Variants in CREB5 observed in about 807,000 individuals in gnomAD.
CREB5 encodes the protein cAMP responsive element binding protein 5, also known as cyclic AMP-responsive element-binding protein 5.
CREB5 carries 19 observed loss-of-function variants against 57.1 expected under a neutral mutation model. That is an observed-to-expected ratio of 0.33 (90% CI 0.23 to 0.49). The LOEUF (loss-of-function observed/expected upper bound fraction) is 0.49. Among genes scored for constraint, CREB5 ranks in the 20% least tolerant of loss-of-function variants. The probability of loss-of-function intolerance (pLI) is 0.99; values close to 1 mark genes in which losing one functional copy is unlikely to be tolerated. For synonymous variants in CREB5, 238 were observed against 238.3 expected, an observed-to-expected ratio of 1.00 and a Z score of 0.01; for missense variants, 579 against 671.6, an observed-to-expected ratio of 0.86 and a Z score of 1.52.
chr7:28,461,869 T>A (rs1790363695), intron 1 of CREB5, among the ~76,000 whole-genome samples: 1 of 152,136 alleles, frequency 6.6e-6, no homozygotes, highest in South Asian at 2.1e-4. Context: ...TAGTTTTATA[T>A]ATATATATGA....
At chr7:28,689,605 C>T (rs752859801) in intron 5 of CREB5, among the ~76,000 whole-genome samples, 4 of 152,088 alleles carry the variant, frequency 2.6e-5, no homozygotes, top group Admixed American at 6.5e-5. Context: ...TGATCCTGTT[C>T]TGCGTTCCTG....
In CREB5 at chr7:28,570,991, T is replaced by G. The variant is rs567552048; in HGVS notation, c.464+454T>G. 7.2e-5 allele frequency among the ~76,000 whole-genome samples: 11 copies of G among 152,198 alleles called. No homozygotes were observed. The South Asian group carries it at 1.2e-3, about 17-fold the overall frequency. On this transcript the variant is annotated intron_variant, in intron 5 of 10. Transcript: ENST00000357727. ...GCAATCCCTCCCTGTCCGTGAGAGATAAATTCCAAGCTGCCCAATGGATAC... is the reference window on the plus strand; with the variant it reads ...GCAATCCCTCCCTGTCCGTGAGAGAGAAATTCCAAGCTGCCCAATGGATAC...
chr7:28,712,268 G>T (rs907912131), intron 5 of CREB5, among the ~76,000 whole-genome samples: 1 of 151,888 alleles, frequency 6.6e-6, no homozygotes, highest in Non-Finnish European at 1.5e-5. Context: ...AGCACTTTGG[G>T]AGGTCGAGGC....
intron 1 of CREB5, among the ~76,000 whole-genome samples, chr7:28,469,330 C>T (rs911278749): frequency 3.3e-5 from 5 of 152,194 alleles, no homozygotes; most frequent in Non-Finnish European, 5.9e-5. Flanking sequence ...TTACTGAATC[C>T]TGTTGTGCCC....
intron 4 of CREB5, among the ~76,000 whole-genome samples, chr7:28,528,747 T>C (rs1230318588): frequency 7.4e-6 from 1 of 134,530 alleles, no homozygotes; most frequent in East Asian, 2.2e-4. Flanking sequence ...TTATAATTGT[T>C]ATTACCTTAA....
At chr7:28,706,977 C>T (rs1184376191) in intron 5 of CREB5, among the ~76,000 whole-genome samples, 1 of 152,092 alleles carries the variant, frequency 6.6e-6, no homozygotes, top group Non-Finnish European at 1.5e-5. Flanking sequence ...TGTGGGGCTC[C>T]TATTGTGTGC....
intron 4 of CREB5, among the ~76,000 whole-genome samples, chr7:28,545,686 A>C (rs1021364865): frequency 5.9e-5 from 9 of 152,200 alleles, no homozygotes; most frequent in Non-Finnish European, 1.2e-4. Flanking sequence ...TTAACACTAT[A>C]AACTAACTTC....
At chr7:28,616,297 T>C (rs1797594539) in intron 5 of CREB5, among the ~76,000 whole-genome samples, 1 of 152,170 alleles carries the variant, frequency 6.6e-6, no homozygotes, top group South Asian at 2.1e-4. Context: ...ATTATTTCTT[T>C]AGGGATTATG....
chr7:28,619,457 G>T (rs1797714773), intron 5 of CREB5, among the ~76,000 whole-genome samples: 1 of 152,170 alleles, frequency 6.6e-6, no homozygotes, highest in Non-Finnish European at 1.5e-5. Flanking sequence ...GCTAAAAAGA[G>T]AACATTGTTT....
chr7:28,819,439 C>G lies in CREB5; in HGVS notation c.*160C>G. 1.5e-6 allele frequency: 1 copy of G among 686,850 alleles called. No homozygotes were observed. Among genetic ancestry groups the G allele is most frequent in the South Asian group, 2.6e-5 (1 of 38,682 alleles). 42.5% of individuals were successfully genotyped at this position (686,850 alleles called of 1,614,324 possible). A position where few individuals can be genotyped will look rare whatever the true frequency, so the allele number is the denominator to read the frequency against. ...TATTATGGAAATGTTGTCTTTTATA[C>G]TTAGTTATATAAGAAAAAAGGGAGT... On this transcript the variant is annotated 3_prime_UTR_variant, in exon 11 of 11. Transcript: ENST00000357727.
Position 28,783,273 on chromosome 7 carries a change from G to A in CREB5, c.703-20926G>A, listed in dbSNP as rs116495947. The stretch of plus-strand genomic sequence containing the variant: ...TGGCCTTATCAGTGGCACCATTTTC[G>A]TGTCACATTTGCTGCTTGATTAGCC... On this transcript the variant is annotated intron_variant, in intron 7 of 10. Transcript: ENST00000357727. Among the ~76,000 whole-genome samples, 609 of 152,092 alleles carry A rather than the reference G, an allele frequency of 4.0e-3. 5 individuals are homozygous for A. The highest frequency in any genetic ancestry group is 0.014 in the African/African-American group (564 of 41,478).
At chr7:28,602,288 G>A (rs765245516) in intron 5 of CREB5, among the ~76,000 whole-genome samples, 10 of 152,040 alleles carry the variant, frequency 6.6e-5, no homozygotes, top group South Asian at 6.2e-4. Flanking sequence ...CACCACACCC[G>A]GCTAATTTTT....
intron 5 of CREB5, among the ~76,000 whole-genome samples, chr7:28,699,874 C>T (rs1395802903): frequency 6.6e-6 from 1 of 152,142 alleles, no homozygotes; most frequent in African/African-American, 2.4e-5. Flanking sequence ...ATGTCTCTCT[C>T]TAATGCAAAA....
At chr7:28,767,165 C>T (rs1039343081) in intron 7 of CREB5, among the ~76,000 whole-genome samples, 7 of 152,198 alleles carry the variant, frequency 4.6e-5, no homozygotes, top group African/African-American at 1.7e-4. Flanking sequence ...ATCAAAATGA[C>T]TTCATTCACA....
intron 1 of CREB5, among the ~76,000 whole-genome samples, chr7:28,429,504 C>T (rs566760785): frequency 2.6e-5 from 4 of 152,168 alleles, no homozygotes; most frequent in Admixed American, 6.5e-5. Flanking sequence ...TGCGTCGCAC[C>T]TCCTTTCCTG....
chr7:28,389,880 GA>G (rs2127997588), intron 1 of CREB5, among the ~76,000 whole-genome samples: 1 of 152,098 alleles, frequency 6.6e-6, no homozygotes, highest in South Asian at 2.1e-4. Context: ...ATGGTGCTTG[GA>G]ACTCGGCATC....
At chr7:28,343,069 T>A (rs1785967994) in intron 1 of CREB5, among the ~76,000 whole-genome samples, 1 of 151,986 alleles carries the variant, frequency 6.6e-6, no homozygotes, top group Non-Finnish European at 1.5e-5. Context: ...GCCTCCCGAG[T>A]AGCTGGGACT....
chr7:28,480,159 C>T (rs1039251917), intron 1 of CREB5, among the ~76,000 whole-genome samples: 2 of 152,026 alleles, frequency 1.3e-5, no homozygotes, highest in African/African-American at 4.8e-5. Context: ...AAATCAAATG[C>T]ACTCAAACTG....
intron 1 of CREB5, among the ~76,000 whole-genome samples, chr7:28,331,081 C>G (rs1195686329): frequency 2.0e-5 from 3 of 152,056 alleles, no homozygotes; most frequent in African/African-American, 7.2e-5. Context: ...GAAGTTTTAT[C>G]CATTTATTCA....
Sources: allele counts gnomAD v4.1 joint callset (sites outside exome capture counted in the v4.1 genomes callset), GRCh38; gene constraint gnomAD v4.1.1; transcripts MANE v1.5; gene names NCBI Gene and HGNC (gene_info 2026-07-23, HGNC 2026-07-21).